Variants in CDH23 observed in about 807,000 individuals in gnomAD.
The protein encoded by CDH23 is cadherin related 23.
In CDH23, 189 loss-of-function variants were observed where a neutral mutation model predicts 317.1. That is an observed-to-expected ratio of 0.60 (90% CI 0.53 to 0.67). CDH23 has a LOEUF of 0.67. Ranked by LOEUF, CDH23 falls within the 30% of genes least tolerant of loss-of-function variation. The pLI is 0.00. For synonymous variants in CDH23, 1,839 were observed against 1,876.8 expected (o/e 0.98, Z 0.52); for missense variants, 4,401 against 4,592.4 (o/e 0.96, Z 1.20).
chr10:71,506,247 G>GGGAT (rs1853630121), intron 3 of CDH23, among the ~76,000 whole-genome samples: 1 of 152,214 alleles, frequency 6.6e-6, no homozygotes, highest in Non-Finnish European at 1.5e-5. Flanking sequence ...TTCATGGGGA[G>GGGAT]TGACTGGTTC....
intron 18 of CDH23, among the ~76,000 whole-genome samples, chr10:71,686,198 A>G (rs753292913): frequency 6.6e-5 from 10 of 152,104 alleles, no homozygotes; most frequent in Non-Finnish European, 1.3e-4. Flanking sequence ...ATCACCGCTA[A>G]TAAGTTTCTG....
chr10:71,423,599 G>A (rs871117), intron 1 of CDH23, among the ~76,000 whole-genome samples: 46,558 of 151,964 alleles, frequency 0.31, 7,315 homozygotes, highest in Middle Eastern at 0.46. Flanking sequence ...GATGAGGGGA[G>A]GGAGGCAGAG....
rs556208183 is a variant in CDH23, at chr10:71,723,571, C to G, written c.3370-474C>G. Among the ~76,000 whole-genome samples the G allele has an allele frequency of 7.2e-5, 11 of 152,242 alleles. No homozygotes were observed. The East Asian group carries it at 2.1e-3, about 29-fold the overall frequency. On this transcript the variant is annotated intron_variant, in intron 28 of 69. Coordinates refer to ENST00000224721, the MANE Select transcript of CDH23 (RefSeq NM_022124.6). ...GGCTCCTGGGCTTCCACGAAGTGAC[C>G]GTTACAGTGTACAGTGCCGGCTGGG...
chr10:71,766,950 C>T (rs927379819), intron 38 of CDH23, among the ~76,000 whole-genome samples: 12 of 152,336 alleles, frequency 7.9e-5, no homozygotes, highest in Middle Eastern at 3.4e-3. Flanking sequence ...TCCTGCTCTG[C>T]CTCAGACCCA....
chr10:71,401,810 T>G (rs1847794607), intron 1 of CDH23, among the ~76,000 whole-genome samples: 1 of 152,212 alleles, frequency 6.6e-6, no homozygotes, highest in Admixed American at 6.5e-5. Context: ...GCTGCACATT[T>G]CTAATGCTTG....
intron 6 of CDH23, among the ~76,000 whole-genome samples, chr10:71,552,450 C>A (rs1215013381): frequency 6.6e-6 from 1 of 152,240 alleles, no homozygotes; most frequent in Non-Finnish European, 1.5e-5. Context: ...GTGCCCATAG[C>A]CAGCCGTGGG....
At chr10:71,418,505 T>C (rs1848622063) in intron 1 of CDH23, among the ~76,000 whole-genome samples, 1 of 152,202 alleles carries the variant, frequency 6.6e-6, no homozygotes, top group Non-Finnish European at 1.5e-5. Flanking sequence ...CCTTGCTGCC[T>C]TGTTAGCCCC....
chr10:71,716,143 G>A (rs1866218561), intron 28 of CDH23: 2 of 1,550,506 alleles, frequency 1.3e-6, no homozygotes, highest in Non-Finnish European at 1.7e-6. Context: ...GGCGGCTCGG[G>A]TCCAGCGCGG....
chr10:71,540,967 C>T (rs745853562), intron 6 of CDH23, among the ~76,000 whole-genome samples: 1 of 151,982 alleles, frequency 6.6e-6, no homozygotes, highest in African/African-American at 2.4e-5. Context: ...GTTCCTCCCA[C>T]GCAGGCCCTA....
chr10:71,794,268 C>A (rs1034259113), intron 48 of CDH23, among the ~76,000 whole-genome samples: 5 of 152,232 alleles, frequency 3.3e-5, no homozygotes, highest in African/African-American at 1.2e-4. Context: ...CTCCCAAGTG[C>A]TGGGATTACA....
intron 38 of CDH23, among the ~76,000 whole-genome samples, chr10:71,746,428 C>T (rs1367896181): frequency 1.3e-5 from 2 of 152,240 alleles, no homozygotes; most frequent in Non-Finnish European, 2.9e-5. Flanking sequence ...CCCATATCAC[C>T]CGAACTCGGA....
chr10:71,514,173 G>A (rs961227362), intron 6 of CDH23, among the ~76,000 whole-genome samples: 19 of 152,096 alleles, frequency 1.2e-4, no homozygotes, highest in African/African-American at 4.6e-4. Flanking sequence ...TGCGTGTTGG[G>A]GAAGTGATGA....
chr10:71,713,275 C>A (rs772538334), intron 28 of CDH23: 25 of 779,234 alleles, frequency 3.2e-5, no homozygotes, highest in Non-Finnish European at 6.0e-5. Flanking sequence ...AGGGAGCAGG[C>A]GCAACAGCTC....
intron 6 of CDH23, among the ~76,000 whole-genome samples, chr10:71,561,079 C>A (rs1234167924): frequency 1.3e-5 from 2 of 151,972 alleles, no homozygotes; most frequent in Non-Finnish European, 2.9e-5. Context: ...TCTCTTGCTG[C>A]TTAATTTTTG....
intron 28 of CDH23, among the ~76,000 whole-genome samples, chr10:71,718,657 G>T (rs1181654860): frequency 6.6e-6 from 1 of 152,256 alleles, no homozygotes; most frequent in Non-Finnish European, 1.5e-5. Context: ...TGAAATGGGA[G>T]ATGCCTCAAT....
chr10:71,406,727 G>A (rs879659394), intron 1 of CDH23, among the ~76,000 whole-genome samples: 1 of 152,178 alleles, frequency 6.6e-6, no homozygotes, highest in Admixed American at 6.5e-5. Context: ...AAAACACAGC[G>A]AGGCCATTCA....
intron 44 of CDH23, 57 bp downstream of exon 44, chr10:71,785,795 G>A (rs1841090247): frequency 1.4e-5 from 15 of 1,043,482 alleles, no homozygotes; most frequent in Non-Finnish European, 2.2e-5. Context: ...CATGGAGAGA[G>A]AACACATCAC....
chr10:71,813,034 C>T (rs1046151739), intron 68 of CDH23, 144 bp downstream of exon 68: 2 of 1,390,760 alleles, frequency 1.4e-6, no homozygotes, highest in African/African-American at 1.4e-5. Flanking sequence ...TGGGGGGCTA[C>T]TCCAGCCTGC....
chr10:71,495,830 AAG>A (rs1852931220), intron 3 of CDH23, among the ~76,000 whole-genome samples: 1 of 151,948 alleles, frequency 6.6e-6, no homozygotes, highest in Non-Finnish European at 1.5e-5. Flanking sequence ...AAAAGAAAGA[AAG>A]AAAGAAAGAA....
Sources: gnomAD v4.1 joint callset for allele counts (sites outside exome capture counted in the v4.1 genomes callset) on GRCh38, gnomAD v4.1.1 for gene constraint, MANE v1.5 for transcripts, NCBI Gene and HGNC (gene_info 2026-07-23, HGNC 2026-07-21) for gene names.